Variants in PDZD2 observed in about 807,000 individuals in gnomAD.
The protein encoded by PDZD2 is PDZ domain-containing protein 2.
Under a neutral mutation model 220.7 loss-of-function variants are expected in PDZD2, and 90 were observed. The observed-to-expected ratio is 0.41, with a 90% CI of 0.34 to 0.49. PDZD2 has a LOEUF of 0.49. Ranked by LOEUF, PDZD2 falls within the 20% of genes least tolerant of loss-of-function variation. The probability of loss-of-function intolerance (pLI) is 0.28; values close to 1 mark genes in which losing one functional copy is unlikely to be tolerated. For synonymous variants in PDZD2, 1,375 were observed against 1,450.5 expected, an observed-to-expected ratio of 0.95 and a Z score of 1.18; for missense variants, 3,174 against 3,608.5, an observed-to-expected ratio of 0.88 and a Z score of 3.08.
At chr5:31,671,719 C>T (rs1746223095) in intron 1 of PDZD2, among the ~76,000 whole-genome samples, 6 of 152,198 alleles carry the variant, frequency 3.9e-5, no homozygotes, top group Admixed American at 3.9e-4. Flanking sequence ...TAATGCTTCT[C>T]AATGCAAAAT....
At chr5:31,885,115 G>A (rs1740328636) in intron 2 of PDZD2, among the ~76,000 whole-genome samples, 1 of 148,418 alleles carries the variant, frequency 6.7e-6, no homozygotes, top group Non-Finnish European at 1.5e-5. Flanking sequence ...AAAACGGGTG[G>A]AGTGTATGAA....
intron 1 of PDZD2, among the ~76,000 whole-genome samples, chr5:31,662,212 G>C (rs1352774422): frequency 6.6e-6 from 1 of 152,182 alleles, no homozygotes; most frequent in East Asian, 1.9e-4. Flanking sequence ...TTGGGAGTCT[G>C]AGGAAGGAGA....
intron 2 of PDZD2, among the ~76,000 whole-genome samples, chr5:31,816,488 A>G (rs1755468371): frequency 6.6e-6 from 1 of 152,130 alleles, no homozygotes; most frequent in South Asian, 2.1e-4. Context: ...TTTCGAAAGA[A>G]AGTCATGCTA....
chr5:31,811,937 C>T (rs1308733555), intron 2 of PDZD2, among the ~76,000 whole-genome samples: 1 of 151,900 alleles, frequency 6.6e-6, no homozygotes, highest in African/African-American at 2.4e-5. Flanking sequence ...TTGCAGTGAG[C>T]TGAGATCGTG....
intron 16 of PDZD2, among the ~76,000 whole-genome samples, chr5:32,071,629 G>A (rs1581421648): frequency 6.6e-6 from 1 of 151,968 alleles, no homozygotes; most frequent in African/African-American, 2.4e-5. Flanking sequence ...AAAGAACAGA[G>A]CAACAAAATA....
At chr5:32,009,554 C>A (rs1033127105) in intron 5 of PDZD2, among the ~76,000 whole-genome samples, 5 of 150,366 alleles carry the variant, frequency 3.3e-5, no homozygotes, top group African/African-American at 9.8e-5. Context: ...ATAGTGAGAC[C>A]TTGTGTCTAC....
chr5:32,061,778 G>A (rs1161258297), intron 14 of PDZD2, among the ~76,000 whole-genome samples: 1 of 152,042 alleles, frequency 6.6e-6, no homozygotes, highest in African/African-American at 2.4e-5. Flanking sequence ...AAAAAGAAAT[G>A]AGAAAGTGTC....
intron 1 of PDZD2, among the ~76,000 whole-genome samples, chr5:31,658,942 A>G (rs78630867): frequency 0.043 from 6,552 of 152,164 alleles, 190 homozygotes; most frequent in Non-Finnish European, 0.059. Context: ...TAAATCTCTC[A>G]TTAATTCCAC....
chr5:31,945,824 T>C (rs1746585325), intron 2 of PDZD2, among the ~76,000 whole-genome samples: 1 of 152,108 alleles, frequency 6.6e-6, no homozygotes, highest in Non-Finnish European at 1.5e-5. Flanking sequence ...ACAGCCATTA[T>C]AGGGTGATCC....
rs869296191 is a variant in PDZD2 at position 31,790,691 on chromosome 5, A to ATTTTT, written c.-360-8177_-360-8173dup. 2.2e-3 allele frequency among the ~76,000 whole-genome samples: 169 copies of ATTTTT among 75,514 alleles called. 16 individuals are homozygous for ATTTTT. The highest frequency in any genetic ancestry group is 0.015 in the East Asian group (31 of 2,020). 49.5% of individuals were successfully genotyped at this position (75,514 alleles called of 152,430 possible). On this transcript the variant is annotated intron_variant, in intron 1 of 24. Transcript: ENST00000438447. The stretch of plus-strand genomic sequence containing the variant: ...CTTAGAATCCGCACCTATCTCTCTA[A>ATTTTT]TTTTTTTTTTTTTTTTTTTTTTTTT...
intron 2 of PDZD2, among the ~76,000 whole-genome samples, chr5:31,820,862 T>C (rs1181628457): frequency 2.0e-5 from 3 of 152,158 alleles, no homozygotes; most frequent in Non-Finnish European, 4.4e-5. Flanking sequence ...ATATGGCTCA[T>C]TTTGTAGTTT....
chr5:31,886,777 A>C (rs1356602508), intron 2 of PDZD2, among the ~76,000 whole-genome samples: 2 of 151,490 alleles, frequency 1.3e-5, no homozygotes, highest in African/African-American at 2.4e-5. Context: ...GGCTCACTGC[A>C]AACTCCGCCT....
intron 14 of PDZD2, among the ~76,000 whole-genome samples, chr5:32,067,812 G>T (rs1182138940): frequency 6.6e-6 from 1 of 152,076 alleles, no homozygotes; most frequent in Non-Finnish European, 1.5e-5. Flanking sequence ...AAACATCCAT[G>T]AATCTGCCAT....
intron 2 of PDZD2, among the ~76,000 whole-genome samples, chr5:31,844,527 A>C (rs1757489172): frequency 6.6e-6 from 1 of 152,246 alleles, no homozygotes. Flanking sequence ...CTTGGTTGTT[A>C]TAAAATAAGA....
At chr5:31,777,390 T>TCGCCC (rs1752741210) in intron 1 of PDZD2, among the ~76,000 whole-genome samples, 1 of 146,404 alleles carries the variant, frequency 6.8e-6, no homozygotes, top group Admixed American at 6.7e-5. Flanking sequence ...CCCCCTCCCC[T>TCGCCC]CGCCCCACCC....
intron 1 of PDZD2, among the ~76,000 whole-genome samples, chr5:31,672,804 A>T (rs1310115961): frequency 6.6e-6 from 1 of 152,154 alleles, no homozygotes; most frequent in Non-Finnish European, 1.5e-5. Flanking sequence ...TCAGAGACAA[A>T]GAAGAAGCAA....
At chr5:32,103,887 A>C (rs1288111709) in intron 24 of PDZD2, 2 of 152,326 alleles carry the variant, frequency 1.3e-5, no homozygotes, top group Non-Finnish European at 2.9e-5. Context: ...CAAAGCAAGA[A>C]TATGACGTCC....
At chr5:31,886,784 G>A (rs568454211) in intron 2 of PDZD2, among the ~76,000 whole-genome samples, 7 of 151,566 alleles carry the variant, frequency 4.6e-5, no homozygotes, top group South Asian at 4.2e-4. Context: ...TGCAAACTCC[G>A]CCTCCCGGGT....
chr5:31,846,106 T>C (rs537270991), intron 2 of PDZD2, among the ~76,000 whole-genome samples: 1 of 152,270 alleles, frequency 6.6e-6, no homozygotes, highest in African/African-American at 2.4e-5. Context: ...GTGGTGGCTT[T>C]GGGTTTGAAG....
Sources: allele counts gnomAD v4.1 joint callset (sites outside exome capture counted in the v4.1 genomes callset), GRCh38; gene constraint gnomAD v4.1.1; transcripts MANE v1.5; gene names NCBI Gene and HGNC (gene_info 2026-07-23, HGNC 2026-07-21).